Variants in PRDM15 observed in about 807,000 individuals in gnomAD.
PRDM15 encodes PR/SET domain 15, also known as PR domain zinc finger protein 15.
Under a neutral mutation model 128.6 loss-of-function variants are expected in PRDM15, and 64 were observed. The observed-to-expected ratio is 0.50, with a 90% CI of 0.41 to 0.61. The LOEUF (loss-of-function observed/expected upper bound fraction) is 0.61. Ranked by LOEUF, PRDM15 falls within the 20% of genes least tolerant of loss-of-function variation. The pLI, the probability that PRDM15 is intolerant of heterozygous loss-of-function variation, is 0.00. For synonymous variants in PRDM15, 615 were observed against 621.8 expected (o/e 0.99, Z 0.16); for missense variants, 1,242 against 1,569.1 (o/e 0.79, Z 3.52).
chr21:41,820,891 TGCTGCCCCTAGCCCA>T (rs931338360), intron 16 of PRDM15, among the ~76,000 whole-genome samples, 161 bp downstream of exon 16: 1 of 152,180 alleles, frequency 6.6e-6, no homozygotes, highest in Admixed American at 6.5e-5. Context: ...ACCCCAGCCC[TGCTGCCCCTAGCCCA>T]GCTGCCCCCG....
At chr21:41,868,724 C>A (rs1175145095) in intron 1 of PRDM15, among the ~76,000 whole-genome samples, 2 of 136,778 alleles carry the variant, frequency 1.5e-5, no homozygotes, top group Non-Finnish European at 3.1e-5. Flanking sequence ...ATGGAGTCTC[C>A]CTGTCACCCA....
At chr21:41,819,951 G>T in intron 17 of PRDM15, 144 bp downstream of exon 17, 1 of 803,334 alleles carries the variant, frequency 1.2e-6, no homozygotes, top group Non-Finnish European at 2.0e-6. Context: ...TGATAAGGAC[G>T]GGAAAAGCTG....
chr21:41,859,075 G>A lies in PRDM15; in HGVS notation c.131+517C>T. ...GGCACAGCCTCCCCCAGGTGAGGGT[G>A]GAACGGCAGGGCAGCTGCTGCCCAC... is the stretch of plus-strand genomic sequence containing the variant. On this transcript the variant is annotated intron_variant, in intron 3 of 23. Coordinates refer to ENST00000398548, the MANE Select transcript of PRDM15 (RefSeq NM_001040424.3). The surrounding 1 kb of genome is among the most constrained non-coding windows in gnomAD (Gnocchi z 5.3). 2.5e-6 allele frequency: 4 copies of A among 1,579,444 alleles called. No individual in the cohort carries two copies. The highest frequency in any genetic ancestry group is 3.4e-6 in the Non-Finnish European group (4 of 1,163,858).
chr21:41,831,869 C>T (rs908079267), intron 11 of PRDM15, among the ~76,000 whole-genome samples: 1 of 152,234 alleles, frequency 6.6e-6, no homozygotes, highest in Admixed American at 6.5e-5. Context: ...AGCCCAGAGC[C>T]AGCCTCACCT....
rs779404549 is a variant in PRDM15, at chr21:41,802,900, C to T, written c.2755G>A (p.Glu919Lys). 5 of 1,614,078 alleles carry T rather than the reference C, an allele frequency of 3.1e-6. No individual in the cohort carries two copies. Among genetic ancestry groups the T allele is most frequent in the Middle Eastern group, 1.6e-4 (1 of 6,062 alleles). ...IVQPELTLEQ[E>K]DLAEGKHGKA... ...CCGTGCTTCCCTTCGGCCAAATCCT[C>T]CTGCTCCAGAGTCAGCTCAGGCTGC... Residue 919 changes from glutamate to lysine, a missense_variant, in exon 23 of 24, where the codon GAG (glutamate) becomes AAG (lysine). Transcript: ENST00000398548.
chr21:41,852,084 T>A (rs559987303), intron 5 of PRDM15, among the ~76,000 whole-genome samples: 1 of 152,358 alleles, frequency 6.6e-6, no homozygotes, highest in African/African-American at 2.4e-5. Context: ...AGTCCCAGGC[T>A]GACTTCATTT....
Position 41,859,463 on chromosome 21 carries a change from G to A in PRDM15, c.131+129C>T, listed in dbSNP as rs1383522368. ...CTCAGTTCACAGTGGGAGCGGAATC[G>A]CTGGCTCTCACTCAGAGTGCCTCTG... On this transcript the variant is annotated intron_variant, in intron 3 of 23. Transcript: ENST00000398548. The surrounding 1 kb of genome is among the most constrained non-coding windows in gnomAD (Gnocchi z 5.3). 1.9e-5 allele frequency: 15 copies of A among 774,004 alleles called. No individual in the cohort carries two copies. Among genetic ancestry groups the A allele is most frequent in the Admixed American group, 8.1e-5 (3 of 37,032 alleles). The allele number at this position is 774,004 out of a possible 1,614,324, so 47.9% of individuals were successfully genotyped here. A position where few individuals can be genotyped will look rare whatever the true frequency, so the allele number is the denominator to read the frequency against.
chr21:41,866,771 C>T (rs1569017547), intron 1 of PRDM15, among the ~76,000 whole-genome samples: 1 of 152,188 alleles, frequency 6.6e-6, no homozygotes, highest in Admixed American at 6.5e-5. Context: ...GAGCACAACG[C>T]TTCCCCCCTT....
chr21:41,846,734 T>C (rs4920056), intron 6 of PRDM15, among the ~76,000 whole-genome samples: 5,838 of 152,150 alleles, frequency 0.038, 158 homozygotes, highest in Middle Eastern at 0.11. Flanking sequence ...AAAGAAACAA[T>C]GGAAGGGGCT....
chr21:41,823,502 G>A (rs1421579585), intron 13 of PRDM15, 53 bp from the exon 14 acceptor site: 8 of 1,526,848 alleles, frequency 5.2e-6, no homozygotes, highest in Non-Finnish European at 7.0e-6. Flanking sequence ...TGACGGGAAG[G>A]AGCCTCTCCA....
At position 41,823,438 on chromosome 21, in the gene PRDM15, G is replaced by T; in HGVS notation, c.1641C>A (p.Cys547Ter). The change falls in exon 14 of 24, where the codon TGC (cysteine) becomes TGA (stop). Residue 547 changes from cysteine (C) to a stop codon, truncating the protein, a stop_gained. Coordinates refer to ENST00000398548, the MANE Select transcript of PRDM15 (RefSeq NM_001040424.3). LOFTEE classifies it high-confidence loss of function. ...GCPVCGKVFS[C>*]RSNMNKHLLT... ...GCAGGTGCTTGTTCATATTGCTCCG[G>T]CAGGAGAACACCTGTGGCAGAGGAG... 6.4e-7 allele frequency: 1 copy of T among 1,552,304 alleles called. No homozygotes were observed. The highest frequency in any genetic ancestry group is 1.2e-5 in the South Asian group (1 of 84,118).
Position 41,821,854 on chromosome 21 carries a change from C to T in PRDM15, c.1896+49G>A, listed in dbSNP as rs1001428334. On this transcript the variant is annotated intron_variant, in intron 15 of 23. Transcript: ENST00000398548. This position sits in a 1 kb window ranked among gnomAD's most constrained non-coding sequence, Gnocchi z 5.4. ...GTGGGGCCCACAGCCTTGAAACGAC[C>T]ACCTTCCTCTCCAGACCACCCAGGC... 1.2e-5 allele frequency: 19 copies of T among 1,609,308 alleles called. No homozygotes were observed. The highest frequency in any genetic ancestry group is 1.6e-5 in the Non-Finnish European group (19 of 1,178,784).
At chr21:41,851,393 G>T (rs2063424587) in intron 5 of PRDM15, among the ~76,000 whole-genome samples, 1 of 152,222 alleles carries the variant, frequency 6.6e-6, no homozygotes, top group African/African-American at 2.4e-5. Flanking sequence ...CTTCAGCTGG[G>T]TGAGGTGCTC....
chr21:41,829,955 T>A (rs935348051), intron 11 of PRDM15, among the ~76,000 whole-genome samples: 62,471 of 148,802 alleles, frequency 0.42, 13,065 homozygotes, highest in East Asian at 0.58. Context: ...ACTACACAAA[T>A]ACACAGTCAA....
In PRDM15 at chr21:41,801,735, C is replaced by A; in HGVS notation, c.2944-13G>T. 6.2e-7 allele frequency: 1 copy of A among 1,604,000 alleles called. No individual in the cohort carries two copies. The highest frequency in any genetic ancestry group is 8.5e-7 in the Non-Finnish European group (1 of 1,172,418). The stretch of plus-strand genomic sequence containing the variant: ...GGGTCACCACTACCTGGAAGATTCA[C>A]ACACAACAAAAATCCGTTCATTTTT... On this transcript the variant is annotated splice_polypyrimidine_tract_variant and intron_variant, in intron 23 of 23. Transcript: ENST00000398548.
intron 5 of PRDM15, among the ~76,000 whole-genome samples, chr21:41,851,319 G>A (rs1405153876): frequency 6.6e-6 from 1 of 152,226 alleles, no homozygotes; most frequent in Non-Finnish European, 1.5e-5. Context: ...TCTCTTCGAA[G>A]GTCTTGTTAT....
Position 41,815,775 on chromosome 21 carries a change from G to A in PRDM15, c.2322C>T (p.Tyr774=), listed in dbSNP as rs780746293. Residue 774 remains tyrosine, a synonymous_variant, in exon 19 of 24, where the codon TAC becomes TAT. Transcript: ENST00000398548. ...ACCTGCGGTGGCACTCCTTGCACTC[G>A]TACTCCTTGATGCCCTTGTGCAGCT... ...HMKLHKGIKE[Y]ECKECHRRFA... The A allele has an allele frequency of 6.4e-5, 103 of 1,613,918 alleles. No individual in the cohort carries two copies. The highest frequency in any genetic ancestry group is 7.9e-5 in the Non-Finnish European group (93 of 1,179,970).
intron 19 of PRDM15, chr21:41,814,053 G>A (rs9984841): frequency 0.19 from 21,830 of 116,286 alleles, 1,075 homozygotes; most frequent in Admixed American, 0.26. Flanking sequence ...ATTGCGCAGG[G>A]TGCTCTAGTG....
chr21:41,866,443 C>T (rs1028505995), intron 1 of PRDM15, among the ~76,000 whole-genome samples: 1 of 152,258 alleles, frequency 6.6e-6, no homozygotes, highest in Non-Finnish European at 1.5e-5. Context: ...TGGCCCCGGC[C>T]TGGGGTCTCT....
Sources: allele counts gnomAD v4.1 joint callset (sites outside exome capture counted in the v4.1 genomes callset), GRCh38; gene constraint gnomAD v4.1.1; non-coding constraint Gnocchi (gnomAD v3.1); transcripts MANE v1.5; gene names NCBI Gene and HGNC (gene_info 2026-07-23, HGNC 2026-07-21).